Variants in NEMP2 observed in about 807,000 individuals in gnomAD.
NEMP2 encodes nuclear envelope integral membrane protein 2, also known as UPF0571 transmembrane protein.
NEMP2 carries 53 observed loss-of-function variants against 54.2 expected under a neutral mutation model. That is an observed-to-expected ratio of 0.98 (90% CI 0.78 to 1.23). NEMP2 has a LOEUF of 1.23. Ranked by LOEUF, NEMP2 falls within the 50% of genes most tolerant of loss-of-function variation. The probability of loss-of-function intolerance (pLI) is 0.00; values close to 1 mark genes in which losing one functional copy is unlikely to be tolerated. For synonymous variants in NEMP2, 197 were observed against 190.3 expected, an observed-to-expected ratio of 1.04 and a Z score of -0.29; for missense variants, 455 against 511.3, an observed-to-expected ratio of 0.89 and a Z score of 1.06.
chr2:190,471,208 G>A, the NEMP2 span, among the ~76,000 whole-genome samples: 35,519 of 152,032 alleles, frequency 0.23, 5,081 homozygotes, highest in South Asian at 0.34. This position sits in a 1 kb window ranked among gnomAD's most constrained non-coding sequence, Gnocchi z 4.7. Context: ...CTGAGGTACC[G>A]GGTTCATCTC....
the NEMP2 span, among the ~76,000 whole-genome samples, chr2:190,456,186 C>T: frequency 2.0e-5 from 3 of 151,992 alleles, no homozygotes; most frequent in Non-Finnish European, 4.4e-5. The surrounding 1 kb of genome is among the most constrained non-coding windows in gnomAD (Gnocchi z 5.4). Context: ...GGTGATCTAC[C>T]CGCCTCAGCC....
chr2:190,502,780 G>A (rs538769592), downstream of NEMP2, among the ~76,000 whole-genome samples: 39 of 152,298 alleles, frequency 2.6e-4, no homozygotes, highest in African/African-American at 7.7e-4. The surrounding 1 kb of genome is among the most constrained non-coding windows in gnomAD (Gnocchi z 4.4). Context: ...AACCACATCC[G>A]TGGATATTGG....
Position 190,521,308 on chromosome 2 carries a change from C to T in NEMP2, c.214-2125G>A, listed in dbSNP as rs924381848. On this transcript the variant is annotated intron_variant, in intron 2 of 8. Transcript: ENST00000409150. The surrounding 1 kb of genome is among the most constrained non-coding windows in gnomAD (Gnocchi z 6.2). ...CACCAGCTCCTATCTGCAAAGCCACCTACCTGTCAGCACCTGCAGGCACAT... is the reference window on the plus strand; with the variant it reads ...CACCAGCTCCTATCTGCAAAGCCACTTACCTGTCAGCACCTGCAGGCACAT... Among the ~76,000 whole-genome samples, 1 of 152,154 alleles carries T rather than the reference C, an allele frequency of 6.6e-6. No homozygotes were observed. Among genetic ancestry groups the T allele is most frequent in the Non-Finnish European group, 1.5e-5 (1 of 68,034 alleles).
intron 7 of NEMP2, among the ~76,000 whole-genome samples, chr2:190,511,292 T>C (rs1408699750): frequency 2.0e-5 from 3 of 152,118 alleles, no homozygotes; most frequent in African/African-American, 7.2e-5. Context: ...TGGGAGGATT[T>C]GTGGGATATC....
the NEMP2 span, among the ~76,000 whole-genome samples, chr2:190,563,586 A>T: frequency 1.3e-5 from 2 of 151,898 alleles, no homozygotes; most frequent in African/African-American, 4.8e-5. This position sits in a 1 kb window ranked among gnomAD's most constrained non-coding sequence, Gnocchi z 4.3. Context: ...ATTTTTGAAA[A>T]CTCTACCACA....
chr2:190,450,738 C>T, the NEMP2 span, among the ~76,000 whole-genome samples: 1 of 152,074 alleles, frequency 6.6e-6, no homozygotes, highest in South Asian at 2.1e-4. Flanking sequence ...AGTGATCTGC[C>T]CACCTCAGCC....
the NEMP2 span, among the ~76,000 whole-genome samples, chr2:190,581,712 T>A: frequency 6.6e-6 from 1 of 152,192 alleles, no homozygotes; most frequent in Non-Finnish European, 1.5e-5. Flanking sequence ...GAGATATATA[T>A]GTTCTATGAA....
chr2:190,501,045 T>C (rs760067813), downstream of NEMP2: 1 of 152,206 alleles, frequency 6.6e-6, no homozygotes, highest in Non-Finnish European at 1.5e-5. Context: ...GTAAATAGCC[T>C]CTCTCGCTAT....
rs573436255 is a variant in NEMP2, at chr2:190,507,829, A to G, written c.*1360T>C. Reference sequence around the variant, plus strand: ...TTTGGCTCAGGAAAGCAGCAGTGCCAAAATTCTGTCTATCCTTCGCCCATA... The same window carrying G: ...TTTGGCTCAGGAAAGCAGCAGTGCCGAAATTCTGTCTATCCTTCGCCCATA... On this transcript the variant is annotated 3_prime_UTR_variant, in exon 9 of 9. Coordinates refer to ENST00000409150, the MANE Select transcript of NEMP2 (RefSeq NM_001142645.2). This position sits in a 1 kb window ranked among gnomAD's most constrained non-coding sequence, Gnocchi z 4.4. 1 of 152,342 alleles carries G rather than the reference A, an allele frequency of 6.6e-6. No homozygotes were observed. Among genetic ancestry groups the G allele is most frequent in the Middle Eastern group, 3.4e-3 (1 of 294 alleles). The allele number at this position is 152,342 out of a possible 1,614,324, so 9.4% of individuals were successfully genotyped here.
chr2:190,463,865 T>C, the NEMP2 span: 3 of 973,628 alleles, frequency 3.1e-6, no homozygotes, highest in Non-Finnish European at 3.7e-6. The surrounding 1 kb of genome is among the most constrained non-coding windows in gnomAD (Gnocchi z 4.4). Context: ...CTGAGAATGA[T>C]GGAGCCCAAT....
At chr2:190,485,649 T>TA in the NEMP2 span, among the ~76,000 whole-genome samples, 1 of 152,146 alleles carries the variant, frequency 6.6e-6, no homozygotes, top group Admixed American at 6.5e-5. This position sits in a 1 kb window ranked among gnomAD's most constrained non-coding sequence, Gnocchi z 5.1. Flanking sequence ...TCAACACTCA[T>TA]AATTAAGACT....
At chr2:190,442,600 G>A in the NEMP2 span, 2 of 152,126 alleles carry the variant, frequency 1.3e-5, no homozygotes, top group African/African-American at 4.8e-5. Context: ...TTGAGGGAAG[G>A]AATAGATCTG....
chr2:190,520,685 C>T lies in NEMP2; in HGVS notation c.214-1502G>A, dbSNP rs1690724366. Among the ~76,000 whole-genome samples the T allele has an allele frequency of 6.6e-6, 1 of 152,176 alleles. No homozygotes were observed. On this transcript the variant is annotated intron_variant, in intron 2 of 8. Coordinates refer to ENST00000409150, the MANE Select transcript of NEMP2 (RefSeq NM_001142645.2). This position sits in a 1 kb window ranked among gnomAD's most constrained non-coding sequence, Gnocchi z 5.4. ...TCTCAGTTCCTGGGACTCCTTTCCT[C>T]TTATGCTCTTGTCCTCCCTACCTCA...
the NEMP2 span, among the ~76,000 whole-genome samples, chr2:190,569,156 G>T: frequency 1.3e-5 from 2 of 152,156 alleles, no homozygotes; most frequent in African/African-American, 4.8e-5. Context: ...AGACTTTGAG[G>T]AGCTATTTGG....
chr2:190,518,957 C>A lies in NEMP2; in HGVS notation c.440G>T (p.Arg147Leu), dbSNP rs866695882. 1.3e-6 allele frequency: 2 copies of A among 1,548,524 alleles called. No individual in the cohort carries two copies. Among genetic ancestry groups the A allele is most frequent in the African/African-American group, 2.7e-5 (2 of 72,886 alleles). ...KIFNYMIHVN[R>L]NIMDFKLFLV... ...TATAATAAAATCGGACTTACTGTTT[C>A]GATTCACATGTATCATATAGTTAAA... The change falls in exon 3 of 9, where the codon CGA (arginine) becomes CTA (leucine). Residue 147 changes from arginine (R) to leucine (L), a missense_variant. Arg to Leu is a moderately radical substitution (Grantham distance 102). Transcript: ENST00000409150.
At chr2:190,444,573 G>T in the NEMP2 span, among the ~76,000 whole-genome samples, 1 of 152,140 alleles carries the variant, frequency 6.6e-6, no homozygotes, top group African/African-American at 2.4e-5. Context: ...TGGTTCCATC[G>T]AAGTCATCAT....
At chr2:190,500,215 C>T (rs142932609), downstream of NEMP2, 30 of 1,613,978 alleles carry the variant, frequency 1.9e-5, no homozygotes, top group African/African-American at 3.6e-4. The surrounding 1 kb of genome is among the most constrained non-coding windows in gnomAD (Gnocchi z 5.3). Flanking sequence ...CGGGAGGACA[C>T]TGAGGGCATC....
chr2:190,519,170 C>G lies in NEMP2; in HGVS notation c.227G>C (p.Ser76Thr), dbSNP rs1483545296. The stretch of plus-strand genomic sequence containing the variant: ...ATATACAATTCTGAACAGGCCTGGA[C>G]TGGTAATTTTCACCTGTAAAACAAG... Reference protein sequence around the residue: ...IWSTMQVKITSPGLFRIVYIA... With the variant: ...IWSTMQVKITTPGLFRIVYIA... Residue 76 changes from serine to threonine, a missense_variant, in exon 3 of 9, where the codon AGT becomes ACT. Ser to Thr is a moderately conservative substitution (Grantham distance 58, BLOSUM62 1). Transcript: ENST00000409150. This position sits in a 1 kb window ranked among gnomAD's most constrained non-coding sequence, Gnocchi z 5.4. 6.5e-7 allele frequency: 1 copy of G among 1,545,754 alleles called. No individual in the cohort carries two copies. The highest frequency in any genetic ancestry group is 1.4e-5 in the African/African-American group (1 of 73,050).
the NEMP2 span, among the ~76,000 whole-genome samples, chr2:190,601,194 T>C: frequency 1.2e-4 from 18 of 152,094 alleles, no homozygotes; most frequent in Admixed American, 7.9e-4. The surrounding 1 kb of genome is among the most constrained non-coding windows in gnomAD (Gnocchi z 5.8). Flanking sequence ...GACAGTCACA[T>C]ATACAGAGAG....
Sources: gnomAD v4.1 joint callset for allele counts (sites outside exome capture counted in the v4.1 genomes callset) on GRCh38, gnomAD v4.1.1 for gene constraint, Gnocchi (gnomAD v3.1) non-coding constraint, MANE v1.5 for transcripts, NCBI Gene and HGNC (gene_info 2026-07-23, HGNC 2026-07-21) for gene names.